The following MYRIP variants were observed in gnomAD, a reference collection of about 807,000 sequenced individuals.
The protein encoded by MYRIP is myosin VIIA and Rab interacting protein, also known as rab effector MyRIP.
A neutral mutation model predicts 98.0 loss-of-function variants in MYRIP; 49 were observed. The ratio of observed to expected loss-of-function variants is 0.50; its 90% CI spans 0.40 to 0.63. The LOEUF (loss-of-function observed/expected upper bound fraction) is 0.63, where lower values mean the gene tolerates loss of function less well. Ranked by LOEUF, MYRIP falls within the 30% of genes least tolerant of loss-of-function variation. The pLI is 0.00. For missense variants in MYRIP, 1,004 were observed against 1,058.2 expected (o/e 0.95, Z 0.71); for synonymous variants, 404 against 409.5 (o/e 0.99, Z 0.16).
At chr3:39,820,484 C>T (rs1194454220) in intron 1 of MYRIP, among the ~76,000 whole-genome samples, 1 of 152,174 alleles carries the variant, frequency 6.6e-6, no homozygotes, top group African/African-American at 2.4e-5. Flanking sequence ...TCTCCAGCAT[C>T]ATTTCATTTT....
chr3:39,962,106 T>G (rs1453855711), intron 2 of MYRIP, among the ~76,000 whole-genome samples: 4 of 152,148 alleles, frequency 2.6e-5, no homozygotes, highest in African/African-American at 9.6e-5. Flanking sequence ...AGATTAGCCA[T>G]TTTTTAGCTG....
intron 2 of MYRIP, among the ~76,000 whole-genome samples, chr3:40,023,181 A>G (rs1947036936): frequency 6.6e-6 from 1 of 152,208 alleles, no homozygotes; most frequent in African/African-American, 2.4e-5. Flanking sequence ...TGTCAGGAGA[A>G]CAGAATGGTC....
chr3:40,041,022 G>GAAAAAAAAAAAAAAAAAAAAAAA, intron 2 of MYRIP, among the ~76,000 whole-genome samples: 1 of 41,210 alleles, frequency 2.4e-5, no homozygotes, highest in Non-Finnish European at 4.7e-5. Flanking sequence ...ATTACCAGCA[G>GAAAAAAAAAAAAAAAAAAAAAAA]AAAAAAAAAA....
Position 39,876,473 on chromosome 3 carries a change from T to C in MYRIP, c.-30-24314T>C, listed in dbSNP as rs192463796. On this transcript the variant is annotated intron_variant, in intron 1 of 16. Coordinates refer to ENST00000302541, the MANE Select transcript of MYRIP (RefSeq NM_015460.4). The stretch of plus-strand genomic sequence containing the variant: ...ACATTTTGGCATGATTTTGCAGTGG[T>C]TGGTACCGGTTGTTCCTTTCCATGT... 6.9e-3 allele frequency among the ~76,000 whole-genome samples: 1,046 copies of C among 152,222 alleles called. 38 individuals are homozygous for C. Among genetic ancestry groups the C allele is most frequent in the Admixed American group, 0.065 (991 of 15,282 alleles).
In MYRIP at chr3:39,879,471, T is replaced by C. The variant is rs557135971; in HGVS notation, c.-30-21316T>C. On this transcript the variant is annotated intron_variant, in intron 1 of 16. Coordinates refer to ENST00000302541, the MANE Select transcript of MYRIP (RefSeq NM_015460.4). Reference sequence around the variant, plus strand: ...GTACAGAGACTCTGGTTTCTGTAGTTTTCTTTCTCCTAAAGTGTATTGAGT... The same window carrying C: ...GTACAGAGACTCTGGTTTCTGTAGTCTTCTTTCTCCTAAAGTGTATTGAGT... 1.2e-3 allele frequency among the ~76,000 whole-genome samples: 179 copies of C among 152,280 alleles called. 2 individuals are homozygous for C. In the South Asian group the frequency reaches 0.036, roughly 31 times the overall value.
At chr3:39,871,287 A>C (rs1052446830) in intron 1 of MYRIP, among the ~76,000 whole-genome samples, 15 of 152,208 alleles carry the variant, frequency 9.9e-5, no homozygotes, top group Non-Finnish European at 1.5e-5. Context: ...AACTGTTTGC[A>C]ATTTGGAATG....
At chr3:40,226,681 A>G (rs1952501552) in intron 11 of MYRIP, among the ~76,000 whole-genome samples, 1 of 152,204 alleles carries the variant, frequency 6.6e-6, no homozygotes, top group Admixed American at 6.5e-5. Context: ...TTCCTCATCT[A>G]TCAGTTGGAG....
chr3:39,855,878 T>C (rs1332394188), intron 1 of MYRIP, among the ~76,000 whole-genome samples: 2 of 152,124 alleles, frequency 1.3e-5, no homozygotes, highest in Non-Finnish European at 2.9e-5. Context: ...CCAATTTCAG[T>C]TGGGAGATTT....
chr3:40,221,834 A>G (rs1048972539), intron 11 of MYRIP, among the ~76,000 whole-genome samples: 3 of 152,230 alleles, frequency 2.0e-5, no homozygotes, highest in Non-Finnish European at 4.4e-5. Context: ...GGGGTATATT[A>G]CAATGTAGTT....
intron 1 of MYRIP, among the ~76,000 whole-genome samples, chr3:39,875,604 T>C (rs1942965426): frequency 6.6e-6 from 1 of 151,620 alleles, no homozygotes; most frequent in African/African-American, 2.4e-5. Context: ...ATGTACCCAG[T>C]AGTCATTCAG....
intron 3 of MYRIP, among the ~76,000 whole-genome samples, chr3:40,090,253 G>T (rs575133044): frequency 6.6e-6 from 1 of 152,186 alleles, no homozygotes; most frequent in African/African-American, 2.4e-5. Flanking sequence ...AGAGATCCAG[G>T]TGCTGGCTGG....
chr3:40,019,768 G>A (rs762326465), intron 2 of MYRIP, among the ~76,000 whole-genome samples: 1 of 139,810 alleles, frequency 7.2e-6, no homozygotes, highest in East Asian at 2.4e-4. Flanking sequence ...TTTTTTTTAA[G>A]TGTGAATTAC....
chr3:39,890,053 T>G (rs555466419), intron 1 of MYRIP, among the ~76,000 whole-genome samples: 4 of 152,102 alleles, frequency 2.6e-5, no homozygotes, highest in African/African-American at 4.8e-5. Flanking sequence ...TAATCTCAAA[T>G]TTTTCTATTT....
chr3:39,859,644 C>T (rs1942406037), intron 1 of MYRIP, among the ~76,000 whole-genome samples: 1 of 152,086 alleles, frequency 6.6e-6, no homozygotes, highest in Non-Finnish European at 1.5e-5. Flanking sequence ...AACTTAACAG[C>T]AATTAGAAGT....
intron 2 of MYRIP, among the ~76,000 whole-genome samples, chr3:39,933,747 A>G (rs9852482): frequency 0.055 from 8,356 of 152,248 alleles, 389 homozygotes; most frequent in East Asian, 0.16. Context: ...AAGATATACT[A>G]TTTTGAGAAC....
intron 2 of MYRIP, chr3:39,970,312 C>T (rs1945549606): frequency 6.6e-6 from 1 of 152,102 alleles, no homozygotes; most frequent in African/African-American, 2.4e-5. Flanking sequence ...ATAATAACTG[C>T]TACTGTTATT....
chr3:39,812,551 AG>A (rs112264280), intron 1 of MYRIP, among the ~76,000 whole-genome samples: 17 of 152,344 alleles, frequency 1.1e-4, no homozygotes, highest in South Asian at 4.1e-4. Context: ...GCTTTTTCAT[AG>A]GGTGAATTAA....
intron 2 of MYRIP, among the ~76,000 whole-genome samples, chr3:39,934,166 G>T (rs557325177): frequency 6.6e-6 from 1 of 152,228 alleles, no homozygotes; most frequent in South Asian, 2.1e-4. Context: ...TCTTCTCTGG[G>T]GAATTTTGGA....
At chr3:40,117,352 G>A (rs1431582534) in intron 3 of MYRIP, among the ~76,000 whole-genome samples, 1 of 152,188 alleles carries the variant, frequency 6.6e-6, no homozygotes. Context: ...CTGTGTTTAT[G>A]TAAATTAATT....
Sources: allele counts gnomAD v4.1 joint callset (sites outside exome capture counted in the v4.1 genomes callset), GRCh38; gene constraint gnomAD v4.1.1; transcripts MANE v1.5; gene names NCBI Gene and HGNC (gene_info 2026-07-23, HGNC 2026-07-21).